PCTP: variants seen among roughly 807,000 people sequenced by gnomAD.
The protein encoded by PCTP is phosphatidylcholine transfer protein.
In PCTP, 27 loss-of-function variants were observed where a neutral mutation model predicts 31.0. The observed-to-expected ratio is 0.87, with a 90% CI of 0.64 to 1.20. PCTP has a LOEUF of 1.20. PCTP is among the 50% of genes most tolerant of loss of function. The probability of loss-of-function intolerance (pLI) is 0.00; values close to 1 mark genes in which losing one functional copy is unlikely to be tolerated. For missense variants in PCTP, 287 were observed against 268.2 expected, an observed-to-expected ratio of 1.07 and a Z score of -0.49; for synonymous variants, 108 against 101.2, an observed-to-expected ratio of 1.07 and a Z score of -0.40.
chr17:55,790,231 T>C (rs1283676582), intron 3 of PCTP, among the ~76,000 whole-genome samples: 1 of 152,092 alleles, frequency 6.6e-6, no homozygotes, highest in African/African-American at 2.4e-5. Flanking sequence ...GCATTCCCTT[T>C]GAAAACTGGC....
intron 5 of PCTP, among the ~76,000 whole-genome samples, chr17:55,829,311 T>C (rs1274403014): frequency 6.6e-6 from 1 of 152,082 alleles, no homozygotes; most frequent in East Asian, 1.9e-4. Flanking sequence ...GATTTTTGTT[T>C]GTTTGTTTGT....
chr17:55,830,241 G>C (rs912934252), intron 5 of PCTP, among the ~76,000 whole-genome samples: 3 of 152,144 alleles, frequency 2.0e-5, no homozygotes, highest in Admixed American at 1.3e-4. Flanking sequence ...TGCGGGGTAG[G>C]GGGAGGTGGT....
At chr17:55,831,496 G>A (rs945474482) in intron 5 of PCTP, among the ~76,000 whole-genome samples, 3 of 152,106 alleles carry the variant, frequency 2.0e-5, no homozygotes, top group Admixed American at 6.5e-5. Context: ...TTCCTTCCTT[G>A]CCAATGAGGA....
At chr17:55,807,684 C>T (rs1912617645) in intron 3 of PCTP, among the ~76,000 whole-genome samples, 1 of 152,056 alleles carries the variant, frequency 6.6e-6, no homozygotes, top group African/African-American at 2.4e-5. Context: ...TTATAAGTGC[C>T]AACACCATGG....
At chr17:55,852,140 TTATATACTATTCTGTTGAAGTAA>T in the PCTP span, among the ~76,000 whole-genome samples, 1 of 152,222 alleles carries the variant, frequency 6.6e-6, no homozygotes, top group African/African-American at 2.4e-5. Context: ...ATTTTAAGTG[TTATATACTATTCTGTTGAAGTAA>T]TATATACTAG....
downstream of PCTP, among the ~76,000 whole-genome samples, chr17:55,847,595 T>G (rs146003393): frequency 5.3e-4 from 81 of 152,332 alleles, 1 homozygote; most frequent in African/African-American, 1.8e-3. Flanking sequence ...TGTGGAACTG[T>G]GAGTCAGTTA....
At chr17:55,849,123 C>T in the PCTP span, among the ~76,000 whole-genome samples, 1 of 151,642 alleles carries the variant, frequency 6.6e-6, no homozygotes. Flanking sequence ...ATTATAATAA[C>T]GTTTTAGGAT....
chr17:55,822,438 G>C (rs1913145398), intron 3 of PCTP, among the ~76,000 whole-genome samples: 1 of 152,146 alleles, frequency 6.6e-6, no homozygotes, highest in South Asian at 2.1e-4. Context: ...ATCCAAACCT[G>C]AAAGAAGCCA....
At position 55,773,742 on chromosome 17, in the gene PCTP, C is replaced by T. The variant is rs368194659; in HGVS notation, c.358C>T (p.Arg120Trp). ...TATGCAGTATGTCTACCTTCGGCAGCGGCGAGACCTGGACATGGAAGGGAG... is the reference window on the plus strand; with the variant it reads ...TATGCAGTATGTCTACCTTCGGCAGTGGCGAGACCTGGACATGGAAGGGAG... ...SNRDYVYLRQRRDLDMEGRKI... is the reference protein window; with the variant it reads ...SNRDYVYLRQWRDLDMEGRKI... Residue 120 changes from arginine to tryptophan, a missense_variant, in exon 4 of 6, where the codon CGG (arginine) becomes TGG (tryptophan). Coordinates refer to ENST00000268896, the MANE Select transcript of PCTP (RefSeq NM_021213.4). The T allele has an allele frequency of 4.7e-5, 76 of 1,612,746 alleles. No individual in the cohort carries two copies. Among genetic ancestry groups the T allele is most frequent in the Non-Finnish European group, 4.2e-5 (49 of 1,179,210 alleles).
At chr17:55,849,050 A>AT in the PCTP span, among the ~76,000 whole-genome samples, 1 of 152,198 alleles carries the variant, frequency 6.6e-6, no homozygotes, top group African/African-American at 2.4e-5. Flanking sequence ...ATCATCAAAA[A>AT]ATAATTCAAC....
chr17:55,824,913 C>A (rs976532285), downstream of PCTP, among the ~76,000 whole-genome samples: 43 of 151,954 alleles, frequency 2.8e-4, no homozygotes, highest in African/African-American at 1.0e-3. Context: ...TCTAATGGTG[C>A]CTTGAGAAAA....
chr17:55,756,961 CA>C (rs1910059416), intron 1 of PCTP, among the ~76,000 whole-genome samples: 1 of 152,092 alleles, frequency 6.6e-6, no homozygotes, highest in African/African-American at 2.4e-5. Context: ...TGATATTGAT[CA>C]GTTACTTTTT....
chr17:55,795,403 T>A (rs1263871567), intron 3 of PCTP, among the ~76,000 whole-genome samples: 1 of 152,078 alleles, frequency 6.6e-6, no homozygotes, highest in East Asian at 1.9e-4. Flanking sequence ...AAATGATTTA[T>A]GTCTTTGCAT....
chr17:55,800,772 T>C (rs183097892), intron 3 of PCTP, among the ~76,000 whole-genome samples: 3 of 152,194 alleles, frequency 2.0e-5, no homozygotes, highest in African/African-American at 7.2e-5. Flanking sequence ...TTATCTACTT[T>C]TGGTCTTTGA....
intron 2 of PCTP, 80 bp from the exon 3 acceptor site, chr17:55,771,026 C>G: frequency 1.2e-5 from 13 of 1,071,128 alleles, no homozygotes; most frequent in Non-Finnish European, 1.7e-5. Context: ...AGCCACCATG[C>G]TTGGCCTAAG....
chr17:55,752,351 G>A (rs763895030), intron 1 of PCTP, among the ~76,000 whole-genome samples: 1 of 152,178 alleles, frequency 6.6e-6, no homozygotes, highest in African/African-American at 2.4e-5. Flanking sequence ...TCTCATTGCA[G>A]GGTTGTTAGG....
intron 5 of PCTP, 146 bp from the exon 6 acceptor site, chr17:55,775,889 C>T (rs1911301851): frequency 7.1e-7 from 1 of 1,405,284 alleles, no homozygotes; most frequent in Non-Finnish European, 9.2e-7. Flanking sequence ...TCATCATCTG[C>T]AACAACATTC....
chr17:55,771,812 TG>T (rs1010702125), intron 3 of PCTP, among the ~76,000 whole-genome samples: 3 of 152,066 alleles, frequency 2.0e-5, no homozygotes, highest in African/African-American at 7.2e-5. Context: ...AGGACTAAGC[TG>T]GGGGGCTAGG....
the PCTP span, among the ~76,000 whole-genome samples, chr17:55,848,641 C>G: frequency 6.6e-6 from 1 of 152,200 alleles, no homozygotes; most frequent in Non-Finnish European, 1.5e-5. Flanking sequence ...CTTATTCACT[C>G]TCAATCATTC....
Sources: allele counts gnomAD v4.1 joint callset (sites outside exome capture counted in the v4.1 genomes callset), GRCh38; gene constraint gnomAD v4.1.1; transcripts MANE v1.5; gene names NCBI Gene and HGNC (gene_info 2026-07-23, HGNC 2026-07-21).